Variants in INTS3 observed in about 807,000 individuals in gnomAD.
The protein encoded by INTS3 is SOSS complex subunit A.
A neutral mutation model predicts 146.3 loss-of-function variants in INTS3; 34 were observed. The ratio of observed to expected loss-of-function variants is 0.23; its 90% confidence interval spans 0.18 to 0.31. The LOEUF is 0.31. Among genes scored for constraint, INTS3 ranks in the 10% least tolerant of loss-of-function variants. The pLI, the probability that INTS3 is intolerant of heterozygous loss-of-function variation, is 1.00. For synonymous variants in INTS3, 475 were observed against 494.9 expected (o/e 0.96, Z 0.53); for missense variants, 757 against 1,304.2 (o/e 0.58, Z 6.46).
intron 3 of INTS3, among the ~76,000 whole-genome samples, chr1:153,743,344 C>A (rs1251935912): frequency 1.3e-5 from 2 of 152,124 alleles, no homozygotes; most frequent in Non-Finnish European, 2.9e-5. Context: ...TCTTCATGGG[C>A]TGAGATGGGA....
Position 153,757,833 on chromosome 1 carries a change from C to CT in INTS3, c.1149+70_1149+71insT, listed in dbSNP as rs1324140303. ...GTGTTCCCATGTTTCCATTCTTCTT[C>CT]CTGACTCCAGGGCCACTTGACCCCT... On this transcript the variant is annotated intron_variant, in intron 10 of 29. Coordinates refer to ENST00000318967, the MANE Select transcript of INTS3 (RefSeq NM_023015.5). The surrounding 1 kb of genome is among the most constrained non-coding windows in gnomAD (Gnocchi z 4.0). 4 of 1,401,422 alleles carry CT rather than the reference C, an allele frequency of 2.9e-6. No homozygotes were observed. The highest frequency in any genetic ancestry group is 4.0e-6 in the Non-Finnish European group (4 of 998,282). 86.8% of individuals were successfully genotyped at this position (1,401,422 alleles called of 1,614,324 possible). A position where few individuals can be genotyped will look rare whatever the true frequency, so the allele number is the denominator to read the frequency against.
intron 11 of INTS3, 54 bp from the exon 12 acceptor site, chr1:153,760,257 A>ATT: frequency 1.1e-6 from 1 of 926,792 alleles, no homozygotes; most frequent in Non-Finnish European, 1.7e-6. Flanking sequence ...AAAAAAAAAA[A>ATT]AGAGAGAGAG....
At chr1:153,752,905 T>C (rs1463552904) in intron 8 of INTS3, among the ~76,000 whole-genome samples, 1 of 152,124 alleles carries the variant, frequency 6.6e-6, no homozygotes, top group Non-Finnish European at 1.5e-5. Context: ...GTGTGCCTCC[T>C]CCCGACAAGG....
chr1:153,728,874 C>CGGGG, intron 1 of INTS3, 90 bp downstream of exon 1: 1 of 35,502 alleles, frequency 2.8e-5, no homozygotes, highest in Non-Finnish European at 5.3e-5. Context: ...GGGGTGGGGG[C>CGGGG]GGGGGTGGAG....
Position 153,737,061 on chromosome 1 carries a change from C to CT in INTS3, c.151-3589dup. 1.3e-5 allele frequency among the ~76,000 whole-genome samples: 2 copies of CT among 152,284 alleles called. 1 individual carries two copies. Among genetic ancestry groups the CT allele is most frequent in the Admixed American group, 1.3e-4 (2 of 15,292 alleles). ...GGATTGCAGGCGTGAGCCACTGCAC[C>CT]TGGCCGTCTTTCATTCTTAAACCTC... On this transcript the variant is annotated intron_variant, in intron 1 of 29. Transcript: ENST00000318967.
Position 153,772,650 on chromosome 1 carries a change from A to G in INTS3, c.2833A>G (p.Thr945Ala), listed in dbSNP as rs749034470. 1 of 1,614,144 alleles carries G rather than the reference A, an allele frequency of 6.2e-7. No individual in the cohort carries two copies. Among genetic ancestry groups the G allele is most frequent in the East Asian group, 2.2e-5 (1 of 44,882 alleles). Reference sequence around the variant, plus strand: ...TTTTCTTCCTCTAGTTTTTAGCCAGACGCCAATTCTCCAGGCGCTGCAGCA... The same window carrying G: ...TTTTCTTCCTCTAGTTTTTAGCCAGGCGCCAATTCTCCAGGCGCTGCAGCA... ...TNTKQNFFSQ[T>A]PILQALQHVQ... The change falls in exon 28 of 30, where the codon ACG becomes GCG. Residue 945 changes from threonine (T) to alanine (A), a missense_variant. Thr to Ala is a moderately conservative substitution (Grantham distance 58). This residue lies in a region of INTS3 where 125 missense variants were observed against 165.6 expected (regional missense o/e 0.75). Coordinates refer to ENST00000318967, the MANE Select transcript of INTS3 (RefSeq NM_023015.5). The surrounding 1 kb of genome is among the most constrained non-coding windows in gnomAD (Gnocchi z 4.6).
At chr1:153,747,450 G>T in intron 5 of INTS3, 87 bp downstream of exon 5, 1 of 1,007,424 alleles carries the variant, frequency 9.9e-7, no homozygotes. Context: ...AGTGCCAAAG[G>T]GATGGAATTC....
chr1:153,748,559 T>G (rs1384325753), intron 5 of INTS3, 130 bp from the exon 6 acceptor site: 2 of 778,738 alleles, frequency 2.6e-6, no homozygotes, highest in South Asian at 1.5e-5. Context: ...GAAGGCAGTT[T>G]ATCTCAGCAG....
chr1:153,738,716 C>A (rs1671397699), intron 1 of INTS3, among the ~76,000 whole-genome samples: 1 of 152,136 alleles, frequency 6.6e-6, no homozygotes, highest in South Asian at 2.1e-4. Flanking sequence ...ACTAGTTTTA[C>A]CATCCATTGA....
Position 153,773,343 on chromosome 1 carries a change from C to G in INTS3, c.*73C>G. 1 of 1,373,338 alleles carries G rather than the reference C, an allele frequency of 7.3e-7. No homozygotes were observed. Among genetic ancestry groups the G allele is most frequent in the South Asian group, 1.2e-5 (1 of 86,350 alleles). The allele number at this position is 1,373,338 out of a possible 1,614,324, so 85.1% of individuals were successfully genotyped here. ...TTGGTGATTCAAAGGTTAATAGAGG[C>G]TGAGGAGATTGCAGGGGAAACACCC... On this transcript the variant is annotated 3_prime_UTR_variant, in exon 30 of 30. Transcript: ENST00000318967.
intron 16 of INTS3, 55 bp from the exon 17 acceptor site, chr1:153,763,777 C>T: frequency 2.1e-6 from 3 of 1,463,184 alleles, no homozygotes; most frequent in Non-Finnish European, 2.9e-6. Context: ...GGTGTGTGTC[C>T]TGCCCTCTGC....
chr1:153,759,447 T>C, intron 10 of INTS3, 79 bp from the exon 11 acceptor site: 1 of 949,784 alleles, frequency 1.1e-6, no homozygotes. Flanking sequence ...AAGTGGGGCC[T>C]GGAATCTGTC....
chr1:153,756,804 GA>G (rs1470845434), intron 9 of INTS3, among the ~76,000 whole-genome samples: 1 of 152,118 alleles, frequency 6.6e-6, no homozygotes. Flanking sequence ...CAACAAGAGT[GA>G]AACTCTGCCT....
Position 153,767,669 on chromosome 1 carries a change from T to C in INTS3, c.2091-5T>C. 4 of 1,574,834 alleles carry C rather than the reference T, an allele frequency of 2.5e-6. No homozygotes were observed. The highest frequency in any genetic ancestry group is 2.6e-6 in the Non-Finnish European group (3 of 1,154,678). On this transcript the variant is annotated splice_polypyrimidine_tract_variant and splice_region_variant and intron_variant, in intron 20 of 29. Transcript: ENST00000318967. ...CTGCTGGCTCAGGCCCAGCTGGTCT[T>C]GCAGCAAAGCCGCCGCAGGGAAGAT...
chr1:153,773,170 A>G, intron 29 of INTS3, 23 bp from the exon 30 acceptor site: 3 of 1,613,598 alleles, frequency 1.9e-6, no homozygotes, highest in South Asian at 2.2e-5. Context: ...TTAACTTCCC[A>G]TTTCCCCTCC....
At chr1:153,730,866 G>T (rs1395561844) in intron 1 of INTS3, among the ~76,000 whole-genome samples, 2 of 152,010 alleles carry the variant, frequency 1.3e-5, no homozygotes, top group African/African-American at 4.8e-5. Flanking sequence ...AATGTGTGTG[G>T]TTCGGTTATC....
chr1:153,741,240 T>G (rs781101433), intron 2 of INTS3, 45 bp from the exon 3 acceptor site: 2 of 1,401,230 alleles, frequency 1.4e-6, no homozygotes, highest in Non-Finnish European at 2.0e-6. Flanking sequence ...GAGAACTTAC[T>G]GCCTGTGAGT....
At chr1:153,744,413 G>A (rs1014615180) in intron 3 of INTS3, among the ~76,000 whole-genome samples, 1 of 152,132 alleles carries the variant, frequency 6.6e-6, no homozygotes, top group African/African-American at 2.4e-5. Context: ...TGCCCATTCT[G>A]TGACTTACCT....
intron 1 of INTS3, among the ~76,000 whole-genome samples, chr1:153,730,444 A>G (rs991903314): frequency 6.6e-6 from 1 of 152,214 alleles, no homozygotes; most frequent in Non-Finnish European, 1.5e-5. Context: ...AGAAGTATAG[A>G]AAGTCAATAA....
Sources: gnomAD v4.1 joint callset for allele counts (sites outside exome capture counted in the v4.1 genomes callset) on GRCh38, gnomAD v4.1.1 for gene constraint, gnomAD v4.1.1 regional missense constraint, Gnocchi (gnomAD v3.1) non-coding constraint, MANE v1.5 for transcripts, NCBI Gene and HGNC (gene_info 2026-07-23, HGNC 2026-07-21) for gene names.